NGEF: variants seen among roughly 807,000 people sequenced by gnomAD.
NGEF encodes neuronal guanine nucleotide exchange factor.
NGEF carries 31 observed loss-of-function variants against 80.9 expected under a neutral mutation model. The ratio of observed to expected loss-of-function variants is 0.38; its 90% CI spans 0.29 to 0.52. The LOEUF (loss-of-function observed/expected upper bound fraction) is 0.52. NGEF is among the 20% of genes least tolerant of loss of function. NGEF has a pLI of 0.84. For missense variants in NGEF, 709 were observed against 926.2 expected, an observed-to-expected ratio of 0.77 and a Z score of 3.04; for synonymous variants, 371 against 370.2, an observed-to-expected ratio of 1.00 and a Z score of -0.03.
At chr2:232,930,548 C>G (rs1313532061) in intron 3 of NGEF, among the ~76,000 whole-genome samples, 3 of 151,504 alleles carry the variant, frequency 2.0e-5, no homozygotes, top group Non-Finnish European at 3.0e-5. Context: ...TTCACCATTT[C>G]GCCAGGCTGG....
At chr2:232,898,208 T>C (rs996649864) in intron 5 of NGEF, among the ~76,000 whole-genome samples, 8 of 152,218 alleles carry the variant, frequency 5.3e-5, no homozygotes, top group African/African-American at 1.9e-4. Context: ...ATACGAATGA[T>C]ACCAAGGGGA....
At chr2:232,900,075 T>C (rs1692259132) in intron 5 of NGEF, among the ~76,000 whole-genome samples, 1 of 131,694 alleles carries the variant, frequency 7.6e-6, no homozygotes, top group Non-Finnish European at 1.6e-5. Context: ...CATATACACG[T>C]TCACTCACAT....
intron 3 of NGEF, chr2:232,969,945 G>A (rs974464105): frequency 3.0e-5 from 6 of 200,600 alleles, no homozygotes; most frequent in Non-Finnish European, 5.0e-5. Flanking sequence ...CTGGAGAATC[G>A]TTAGAGCCCA....
At chr2:232,914,973 T>C in intron 5 of NGEF, among the ~76,000 whole-genome samples, 1 of 148,642 alleles carries the variant, frequency 6.7e-6, no homozygotes, top group East Asian at 2.0e-4. Context: ...GCCGAGATTG[T>C]GCCACTGCTC....
chr2:232,886,278 ATG>A (rs971600717), intron 9 of NGEF, among the ~76,000 whole-genome samples: 4 of 116,008 alleles, frequency 3.4e-5, no homozygotes, highest in Non-Finnish European at 5.5e-5. Context: ...GGGGCCGTGT[ATG>A]TGTGTGTGCG....
intron 3 of NGEF, among the ~76,000 whole-genome samples, chr2:232,935,546 A>T (rs1210401993): frequency 1.3e-5 from 2 of 152,188 alleles, no homozygotes; most frequent in East Asian, 3.9e-4. Flanking sequence ...TGAGCCCAGG[A>T]GGTGGAGGTT....
At chr2:232,927,880 C>T in intron 3 of NGEF, 1 of 1,277,664 alleles carries the variant, frequency 7.8e-7, no homozygotes, top group Non-Finnish European at 9.9e-7. Flanking sequence ...CCGGGACAGG[C>T]GCCCGTCCTC....
chr2:232,902,399 G>A (rs988594764), intron 5 of NGEF, among the ~76,000 whole-genome samples: 8 of 152,164 alleles, frequency 5.3e-5, no homozygotes, highest in South Asian at 4.1e-4. Flanking sequence ...AGCAGGTCCC[G>A]TGAGCAGCGT....
chr2:232,953,127 C>A (rs528864765), intron 3 of NGEF, among the ~76,000 whole-genome samples: 16 of 151,196 alleles, frequency 1.1e-4, no homozygotes, highest in African/African-American at 3.9e-4. Flanking sequence ...GATGGTGAAA[C>A]CCTGTCTCTA....
chr2:232,919,165 A>G (rs1692878840), intron 5 of NGEF, among the ~76,000 whole-genome samples: 1 of 152,238 alleles, frequency 6.6e-6, no homozygotes, highest in Non-Finnish European at 1.5e-5. Flanking sequence ...GCTGGTCAGG[A>G]ACAAGTCACA....
chr2:232,980,795 G>A lies in NGEF; in HGVS notation c.-74-5831C>T, dbSNP rs6760133. ...ATTACAGGCATGAGTCAGACAGCTC[G>A]CAGAGCATTCTCATTTGCTAGTCCC... On this transcript the variant is annotated intron_variant, in intron 1 of 14. Transcript: ENST00000264051. Among the ~76,000 whole-genome samples the A allele has an allele frequency of 9.9e-3, 1,508 of 152,092 alleles. 31 individuals are homozygous for A. The highest frequency in any genetic ancestry group is 0.034 in the African/African-American group (1,418 of 41,452).
At chr2:232,921,594 GGT>G (rs1258658999) in intron 4 of NGEF, among the ~76,000 whole-genome samples, 1 of 151,962 alleles carries the variant, frequency 6.6e-6, no homozygotes, top group Non-Finnish European at 1.5e-5. Flanking sequence ...TAGGACTACA[GGT>G]GTGTGTCACC....
chr2:232,894,587 G>T, intron 6 of NGEF, 169 bp downstream of exon 6: 1 of 677,882 alleles, frequency 1.5e-6, no homozygotes, highest in Non-Finnish European at 2.2e-6. Flanking sequence ...GCCAGAAGGG[G>T]TGGTGAGGTT....
chr2:232,947,794 G>A (rs1693588915), intron 3 of NGEF, among the ~76,000 whole-genome samples: 1 of 152,174 alleles, frequency 6.6e-6, no homozygotes, highest in Admixed American at 6.5e-5. Flanking sequence ...AATTCACAAT[G>A]GGGCCATTCT....
At chr2:232,958,067 C>T (rs914438336) in intron 3 of NGEF, among the ~76,000 whole-genome samples, 1 of 152,200 alleles carries the variant, frequency 6.6e-6, no homozygotes, top group Non-Finnish European at 1.5e-5. Flanking sequence ...TGAGATCCTT[C>T]CGATGCTCTA....
intron 14 of NGEF, among the ~76,000 whole-genome samples, chr2:232,880,770 A>ACAGGTCTGGGTCAGGTCAGGGT (rs138425032): frequency 0.79 from 118,510 of 150,624 alleles, 46,704 homozygotes; most frequent in African/African-American, 0.81. Context: ...AGCTGCAAGT[A>ACAGGTCTGGGTCAGGTCAGGGT]CAGGTCTGGG....
At chr2:232,924,969 G>A (rs1378276189) in intron 4 of NGEF, among the ~76,000 whole-genome samples, 1 of 152,108 alleles carries the variant, frequency 6.6e-6, no homozygotes, top group African/African-American at 2.4e-5. Flanking sequence ...CTTAAATTCA[G>A]ATTACAAAAC....
chr2:232,883,351 C>T lies in NGEF; in HGVS notation c.1717G>A (p.Asp573Asn). ...AGCATGTAGGTGGCCTCCCGGTCATCTGCGTTCTCCAGCAGCCGCAGGATG... is the reference window on the plus strand; with the variant it reads ...AGCATGTAGGTGGCCTCCCGGTCATTTGCGTTCTCCAGCAGCCGCAGGATG... ...VFILRLLENA[D>N]DREATYMLKA... The change falls in exon 12 of 15, where the codon GAT becomes AAT. Residue 573 changes from aspartate (D) to asparagine (N), a missense_variant. By Grantham distance (23) the Asp-to-Asn change is conservative (BLOSUM62 1). Transcript: ENST00000264051. 6.2e-7 allele frequency: 1 copy of T among 1,612,310 alleles called. No homozygotes were observed. The highest frequency in any genetic ancestry group is 8.5e-7 in the Non-Finnish European group (1 of 1,179,162).
At chr2:232,923,547 G>A (rs1474963198) in intron 4 of NGEF, among the ~76,000 whole-genome samples, 1 of 151,718 alleles carries the variant, frequency 6.6e-6, no homozygotes, top group East Asian at 2.0e-4. Flanking sequence ...ACCAGCCTGG[G>A]CAACATGGGG....
Sources: allele counts gnomAD v4.1 joint callset (sites outside exome capture counted in the v4.1 genomes callset), GRCh38; gene constraint gnomAD v4.1.1; transcripts MANE v1.5; gene names NCBI Gene and HGNC (gene_info 2026-07-23, HGNC 2026-07-21).